Variants in CDH13 observed in about 807,000 individuals in gnomAD.
CDH13 encodes cadherin 13.
In CDH13, 24 loss-of-function variants were observed where a neutral mutation model predicts 63.8. The observed-to-expected ratio is 0.38, with a 90% CI of 0.27 to 0.53. The LOEUF (loss-of-function observed/expected upper bound fraction) is 0.53. CDH13 is among the 20% of genes least tolerant of loss of function. CDH13 has a pLI of 0.85. For synonymous variants in CDH13, 503 were observed against 355.3 expected (o/e 1.42, Z -4.67); for missense variants, 1,049 against 903.1 (o/e 1.16, Z -2.07).
At chr16:82,945,053 A>C (rs1163075402) in intron 2 of CDH13, among the ~76,000 whole-genome samples, 2 of 152,238 alleles carry the variant, frequency 1.3e-5, no homozygotes, top group African/African-American at 2.4e-5. Flanking sequence ...GAGCCAAAAC[A>C]AAAATAGAAA....
At chr16:82,688,301 C>T (rs141163945) in intron 1 of CDH13, among the ~76,000 whole-genome samples, 31 of 152,268 alleles carry the variant, frequency 2.0e-4, no homozygotes, top group Middle Eastern at 3.4e-3. Context: ...CAAATCTAAG[C>T]CCCTAAATAC....
Position 82,627,110 on chromosome 16 carries a change from G to A in CDH13, c.18G>A (p.Pro6=). MQPRT[P]LVLCVLLSQV... ...CGGACAAAATGCAGCCGAGAACTCC[G>A]CTCGTTCTGTGCGTTCTCCTGTCCC... Residue 6 remains proline (P), a synonymous_variant, in exon 1 of 14, where the codon CCG becomes CCA. Coordinates refer to ENST00000567109, the MANE Select transcript of CDH13 (RefSeq NM_001257.5). The A allele has an allele frequency of 1.9e-6, 3 of 1,606,130 alleles. No homozygotes were observed. The highest frequency in any genetic ancestry group is 2.5e-6 in the Non-Finnish European group (3 of 1,176,674).
intron 6 of CDH13, among the ~76,000 whole-genome samples, chr16:83,365,862 C>T (rs538057366): frequency 2.6e-5 from 4 of 152,260 alleles, no homozygotes; most frequent in South Asian, 2.1e-4. Flanking sequence ...TAAATCCATT[C>T]TGCCAGCACC....
chr16:82,903,604 G>A (rs59175823), intron 2 of CDH13, among the ~76,000 whole-genome samples: 19,095 of 152,132 alleles, frequency 0.13, 1,313 homozygotes, highest in African/African-American at 0.13. Flanking sequence ...TTAGTCGTGA[G>A]CTAACTGGAA....
rs576358869 is a variant in CDH13 at position 83,364,090 on chromosome 16, G to A, written c.781+19084G>A. Among the ~76,000 whole-genome samples, 81 of 152,250 alleles carry A rather than the reference G, an allele frequency of 5.3e-4. 1 individual carries two copies. The highest frequency in any genetic ancestry group is 1.9e-3 in the African/African-American group (77 of 41,552). ...AAATGTTTACCGAATGAATTAACAT[G>A]TTATATAAATGTCAACGCAAGAATT... On this transcript the variant is annotated intron_variant, in intron 6 of 13. Coordinates refer to ENST00000567109, the MANE Select transcript of CDH13 (RefSeq NM_001257.5).
chr16:83,271,425 A>T lies in CDH13; in HGVS notation c.636+53928A>T, dbSNP rs1422553713. ...CCGCACATTGAGGCAGAGTTCATAA[A>T]AAAAAAAAAAAAAAAAAAAAAAAAA... On this transcript the variant is annotated intron_variant, in intron 5 of 13. Transcript: ENST00000567109. Among the ~76,000 whole-genome samples, 149 of 114,394 alleles carry T rather than the reference A, an allele frequency of 1.3e-3. 12 individuals are homozygous for T. The highest frequency in any genetic ancestry group is 1.8e-3 in the Non-Finnish European group (104 of 58,076). The allele number at this position is 114,394 out of a possible 152,430, so 75.0% of individuals were successfully genotyped here.
intron 1 of CDH13, among the ~76,000 whole-genome samples, chr16:82,765,242 C>A (rs1015994878): frequency 1.3e-5 from 2 of 152,170 alleles, no homozygotes; most frequent in African/African-American, 2.4e-5. Flanking sequence ...TTTCAGAATT[C>A]TATCAGCTAA....
chr16:83,478,429 A>T (rs1047336941), intron 6 of CDH13, among the ~76,000 whole-genome samples: 1 of 152,082 alleles, frequency 6.6e-6, no homozygotes, highest in Non-Finnish European at 1.5e-5. Flanking sequence ...CAGTGGAACT[A>T]GGCTCCTGTT....
chr16:83,444,537 G>T, intron 6 of CDH13, among the ~76,000 whole-genome samples: 1 of 152,206 alleles, frequency 6.6e-6, no homozygotes, highest in East Asian at 1.9e-4. Context: ...ATGAGTGGCA[G>T]AACCAGGCTT....
intron 6 of CDH13, among the ~76,000 whole-genome samples, chr16:83,460,757 G>T (rs915840551): frequency 2.0e-5 from 3 of 151,932 alleles, no homozygotes; most frequent in Non-Finnish European, 4.4e-5. Context: ...ATTTTGGGAG[G>T]CCGAGGCGGG....
At chr16:83,212,940 C>G (rs902064560) in intron 4 of CDH13, among the ~76,000 whole-genome samples, 4 of 152,164 alleles carry the variant, frequency 2.6e-5, no homozygotes, top group Non-Finnish European at 5.9e-5. Flanking sequence ...GAAGTGACAC[C>G]CACCATTTCC....
At chr16:83,713,498 T>C (rs1366320776) in intron 10 of CDH13, among the ~76,000 whole-genome samples, 3 of 150,288 alleles carry the variant, frequency 2.0e-5, no homozygotes, top group Non-Finnish European at 3.0e-5. Context: ...TCTCTCAACT[T>C]TTCTCGTCAC....
At chr16:83,203,171 C>G (rs1406090411) in intron 4 of CDH13, among the ~76,000 whole-genome samples, 8 of 152,066 alleles carry the variant, frequency 5.3e-5, no homozygotes, top group African/African-American at 1.9e-4. Flanking sequence ...TTGTGGTGAG[C>G]TGAGGTCGCA....
chr16:83,617,962 C>G (rs1190272922), intron 8 of CDH13, among the ~76,000 whole-genome samples: 1 of 152,154 alleles, frequency 6.6e-6, no homozygotes, highest in African/African-American at 2.4e-5. Flanking sequence ...GCCACTCTCA[C>G]TAAATTAGAA....
chr16:83,215,718 A>T (rs2039480871), intron 4 of CDH13, among the ~76,000 whole-genome samples: 1 of 151,848 alleles, frequency 6.6e-6, no homozygotes, highest in South Asian at 2.1e-4. Context: ...AGCCACCTAA[A>T]CCCTCCAGGC....
intron 7 of CDH13, among the ~76,000 whole-genome samples, chr16:83,506,582 C>T (rs1232897616): frequency 1.3e-5 from 2 of 152,212 alleles, no homozygotes; most frequent in Admixed American, 6.5e-5. Flanking sequence ...AGCCAGCCCC[C>T]AGGAGGGCTC....
chr16:83,204,090 T>C (rs16959761), intron 4 of CDH13, among the ~76,000 whole-genome samples: 10,884 of 152,288 alleles, frequency 0.071, 979 homozygotes, highest in African/African-American at 0.21. Context: ...TGAATGTTCC[T>C]GGGCCATGAA....
chr16:82,838,842 T>C (rs2038881719), intron 1 of CDH13, among the ~76,000 whole-genome samples: 1 of 152,218 alleles, frequency 6.6e-6, no homozygotes, highest in African/African-American at 2.4e-5. Flanking sequence ...TTCACCTTGC[T>C]CTGGCCTTAT....
At chr16:83,203,661 C>CAAAAAA (rs61444893) in intron 4 of CDH13, among the ~76,000 whole-genome samples, 1 of 84,106 alleles carries the variant, frequency 1.2e-5, no homozygotes, top group South Asian at 6.2e-4. Flanking sequence ...GACTCCATCT[C>CAAAAAA]AAAAAAAAAA....
Sources: allele counts gnomAD v4.1 joint callset (sites outside exome capture counted in the v4.1 genomes callset), GRCh38; gene constraint gnomAD v4.1.1; transcripts MANE v1.5; gene names NCBI Gene and HGNC (gene_info 2026-07-23, HGNC 2026-07-21).